The following CHORDC1 variants were observed in gnomAD, a reference collection of about 807,000 sequenced individuals.
CHORDC1 encodes cysteine and histidine rich domain containing 1, also known as cysteine and histidine-rich domain-containing protein 1.
CHORDC1 carries 25 observed loss-of-function variants against 48.3 expected under a neutral mutation model. That is an observed-to-expected ratio of 0.52 (90% CI 0.38 to 0.72). The LOEUF (loss-of-function observed/expected upper bound fraction) is 0.72, where lower values mean the gene tolerates loss of function less well. CHORDC1 is among the 30% of genes least tolerant of loss of function. The pLI is 0.00. For missense variants in CHORDC1, 317 were observed against 388.7 expected (o/e 0.82, Z 1.55); for synonymous variants, 128 against 126.4 (o/e 1.01, Z -0.09).
chr11:90,209,598 A>C (rs2135038623), intron 6 of CHORDC1: 1 of 152,306 alleles, frequency 6.6e-6, no homozygotes, highest in East Asian at 1.9e-4. Flanking sequence ...AAGTAATATA[A>C]AGTGATTAAG....
At position 90,202,751 on chromosome 11, in the gene CHORDC1, T is replaced by C. The variant is rs568536817; in HGVS notation, c.852+62A>G. 3 of 1,514,592 alleles carry C rather than the reference T, an allele frequency of 2.0e-6. No individual in the cohort carries two copies. In the South Asian group the frequency reaches 3.6e-5, roughly 18 times the overall value. The allele number at this position is 1,514,592 out of a possible 1,614,324, so 93.8% of individuals were successfully genotyped here. On this transcript the variant is annotated intron_variant, in intron 10 of 10. Transcript: ENST00000320585. ...CATCAATGTTTACTGAAGAATTGTC[T>C]TTTATTCTACAAATGATCTAAGTTA...
At position 90,218,165 on chromosome 11, in the gene CHORDC1, T is replaced by G. The variant is rs760933711; in HGVS notation, c.84A>C (p.Pro28=). ...TNSDDACTYH[P]GVPVFHDALK... Reference sequence around the variant, plus strand: ...ATGCATCGTGAAAGACCGGAACACCTGGGTGGTATGTGCAAGCATCTGGAG... The same window carrying G: ...ATGCATCGTGAAAGACCGGAACACCGGGGTGGTATGTGCAAGCATCTGGAG... The change falls in exon 2 of 11, where the codon CCA becomes CCC. Residue 28 remains proline (P), a synonymous_variant. Transcript: ENST00000320585. 23 of 1,576,380 alleles carry G rather than the reference T, an allele frequency of 1.5e-5. No homozygotes were observed. Among genetic ancestry groups the G allele is most frequent in the Non-Finnish European group, 2.0e-5 (23 of 1,167,732 alleles).
At chr11:90,217,939 C>A in intron 2 of CHORDC1, 196 bp downstream of exon 2, 21 of 330,120 alleles carry the variant, frequency 6.4e-5, no homozygotes, top group South Asian at 1.1e-4. Flanking sequence ...AATTTTATAA[C>A]TGGAAAAGAC....
intron 2 of CHORDC1, chr11:90,217,930 A>G: frequency 2.7e-6 from 1 of 369,910 alleles, no homozygotes; most frequent in South Asian, 9.1e-5. Flanking sequence ...TTAAAATACA[A>G]TTTTATAACT....
intron 4 of CHORDC1, chr11:90,212,709 G>A (rs1264099760): frequency 6.6e-6 from 1 of 151,852 alleles, no homozygotes; most frequent in Non-Finnish European, 1.5e-5. Context: ...CACTGCCTTT[G>A]TCCTTTTTTT....
At chr11:90,213,166 T>G (rs574824401) in intron 4 of CHORDC1, 18 of 391,396 alleles carry the variant, frequency 4.6e-5, no homozygotes, top group Admixed American at 2.5e-4. Flanking sequence ...TAATCTGTAC[T>G]CAGAGTGCTA....
At chr11:90,222,829 C>T in intron 1 of CHORDC1, 62 bp downstream of exon 1, 1 of 1,481,104 alleles carries the variant, frequency 6.8e-7, no homozygotes, top group Non-Finnish European at 9.4e-7. Context: ...CCCTCCGGCC[C>T]AAAGGGCCTC....
chr11:90,202,324 A>C lies in CHORDC1; in HGVS notation c.*81T>G. 2 of 1,353,752 alleles carry C rather than the reference A, an allele frequency of 1.5e-6. No homozygotes were observed. Among genetic ancestry groups the C allele is most frequent in the Non-Finnish European group, 2.1e-6 (2 of 970,818 alleles). 83.9% of individuals were successfully genotyped at this position (1,353,752 alleles called of 1,614,324 possible). On this transcript the variant is annotated 3_prime_UTR_variant, in exon 11 of 11. Transcript: ENST00000320585. ...CATTCAGTAACACAACAACAAAACAAAAGATTACAGCAGCAAGCCACCACT... is the reference window on the plus strand; with the variant it reads ...CATTCAGTAACACAACAACAAAACACAAGATTACAGCAGCAAGCCACCACT...
Position 90,202,461 on chromosome 11 carries a change from G to A in CHORDC1, c.943C>T (p.Leu315Phe). 7 of 1,612,072 alleles carry A rather than the reference G, an allele frequency of 4.3e-6. No individual in the cohort carries two copies. The highest frequency in any genetic ancestry group is 5.9e-6 in the Non-Finnish European group (7 of 1,179,582). ...RKAEPMQWAS[L>F]ELPAAKKQEK... ...TGCTTTTTAGCTGCAGGCAGTTCAAGGCTTGCCCACTGCATCGGTTCAGCT... is the reference window on the plus strand; with the variant it reads ...TGCTTTTTAGCTGCAGGCAGTTCAAAGCTTGCCCACTGCATCGGTTCAGCT... The change falls in exon 11 of 11, where the codon CTT becomes TTT. Residue 315 changes from leucine (L) to phenylalanine (F), a missense_variant. Transcript: ENST00000320585.
intron 5 of CHORDC1, chr11:90,210,866 T>C (rs1857840868): frequency 2.6e-6 from 1 of 378,984 alleles, no homozygotes; most frequent in African/African-American, 2.1e-5. Flanking sequence ...GGTGTTTTCC[T>C]CCCATGGTAC....
At chr11:90,210,394 C>A (rs899911691) in intron 6 of CHORDC1, 142 bp downstream of exon 6, 3 of 609,516 alleles carry the variant, frequency 4.9e-6, no homozygotes, top group Non-Finnish European at 8.8e-6. Context: ...AGTCTCTTAT[C>A]CATGATTGTA....
At chr11:90,219,735 TG>T (rs1858117592) in intron 1 of CHORDC1, among the ~76,000 whole-genome samples, 1 of 152,236 alleles carries the variant, frequency 6.6e-6, no homozygotes, top group Non-Finnish European at 1.5e-5. Context: ...GTGAGACCCC[TG>T]ATTTCCCACT....
At chr11:90,203,540 T>C (rs1391007720) in intron 8 of CHORDC1, 113 bp from the exon 9 acceptor site, 3 of 980,568 alleles carry the variant, frequency 3.1e-6, no homozygotes, top group Non-Finnish European at 4.3e-6. Flanking sequence ...ACTAAGCACT[T>C]AATGTTTAAG....
intron 5 of CHORDC1, 160 bp from the exon 6 acceptor site, chr11:90,210,754 CTTCTT>C: frequency 1.7e-6 from 1 of 587,840 alleles, no homozygotes; most frequent in East Asian, 2.9e-5. Flanking sequence ...CACATTTCTT[CTTCTT>C]TTGAGGACCT....
In CHORDC1 at chr11:90,200,506, G is replaced by A. The variant is rs906506066; in HGVS notation, c.*1899C>T. ...GATAGTAAAACATATGCTACCTAAC[G>A]ATAACTGTGTCCCTTTATGTATGAG... On this transcript the variant is annotated 3_prime_UTR_variant, in exon 11 of 11. Coordinates refer to ENST00000320585, the MANE Select transcript of CHORDC1 (RefSeq NM_012124.3). 5.9e-5 allele frequency among the ~76,000 whole-genome samples: 9 copies of A among 151,930 alleles called. No individual in the cohort carries two copies. Among genetic ancestry groups the A allele is most frequent in the African/African-American group, 1.7e-4 (7 of 41,504 alleles).
intron 6 of CHORDC1, chr11:90,206,837 G>A (rs572475782): frequency 9.3e-6 from 11 of 1,177,594 alleles, no homozygotes; most frequent in Non-Finnish European, 1.2e-5. Flanking sequence ...AAAAAATTAT[G>A]TTAATAAAAC....
chr11:90,203,183 A>T, intron 9 of CHORDC1, 125 bp downstream of exon 9: 1 of 931,956 alleles, frequency 1.1e-6, no homozygotes, highest in Non-Finnish European at 1.6e-6. Flanking sequence ...AATTTTTTTT[A>T]ATGGGAGTCA....
chr11:90,202,938 T>C (rs2135024614), intron 9 of CHORDC1, 63 bp from the exon 10 acceptor site: 1 of 1,484,156 alleles, frequency 6.7e-7, no homozygotes, highest in Non-Finnish European at 9.1e-7. Context: ...TATCAAACAC[T>C]GATTATAAAA....
Position 90,201,234 on chromosome 11 carries a change from C to T in CHORDC1, c.*1171G>A, listed in dbSNP as rs1857536817. 1 of 151,950 alleles carries T rather than the reference C, an allele frequency of 6.6e-6. No homozygotes were observed. The highest frequency in any genetic ancestry group is 2.4e-5 in the African/African-American group (1 of 41,422). The allele number at this position is 151,950 out of a possible 1,614,324, so 9.4% of individuals were successfully genotyped here. On this transcript the variant is annotated 3_prime_UTR_variant, in exon 11 of 11. Transcript: ENST00000320585. ...TAAACCCCTTTTAATTTTAAATCTA[C>T]ATAAGTTTAATTTATTCCCAAACTT...
Sources: gnomAD v4.1 joint callset for allele counts (sites outside exome capture counted in the v4.1 genomes callset) on GRCh38, gnomAD v4.1.1 for gene constraint, MANE v1.5 for transcripts, NCBI Gene and HGNC (gene_info 2026-07-23, HGNC 2026-07-21) for gene names.